The following NUP205 variants were observed in gnomAD, a reference collection of about 807,000 sequenced individuals.
NUP205 encodes nuclear pore complex protein Nup205.
NUP205 carries 76 observed loss-of-function variants against 253.8 expected under a neutral mutation model. The ratio of observed to expected loss-of-function variants is 0.30; its 90% CI spans 0.25 to 0.36. The LOEUF is 0.36. Ranked by LOEUF, NUP205 falls within the 10% of genes least tolerant of loss-of-function variation. NUP205 has a pLI of 1.00. For missense variants in NUP205, 2,162 were observed against 2,425.5 expected, an observed-to-expected ratio of 0.89 and a Z score of 2.28; for synonymous variants, 832 against 850.1, an observed-to-expected ratio of 0.98 and a Z score of 0.37.
At chr7:135,577,255 C>A in intron 5 of NUP205, 127 bp downstream of exon 5, 1 of 890,116 alleles carries the variant, frequency 1.1e-6, no homozygotes, top group Non-Finnish European at 1.7e-6. Context: ...TGCCACTTTT[C>A]TTTTTTTTTG....
Position 135,638,603 on chromosome 7 carries a change from G to A in NUP205, c.5312G>A (p.Ser1771Asn). The A allele has an allele frequency of 6.2e-7, 1 of 1,613,828 alleles. No individual in the cohort carries two copies. The highest frequency in any genetic ancestry group is 1.1e-5 in the South Asian group (1 of 91,070). ...TATTGCCAGTCACTCATGTTACAGAGTTCCCCTACCTTCCAGCATGCTGTG... is the reference window on the plus strand; with the variant it reads ...TATTGCCAGTCACTCATGTTACAGAATTCCCCTACCTTCCAGCATGCTGTG... ...MEYCQSLMLQ[S>N]SPTFQHAVCL... The change falls in exon 38 of 43, where the codon AGT becomes AAT. Residue 1771 changes from serine (S) to asparagine (N), a missense_variant. Transcript: ENST00000285968.
In NUP205 at chr7:135,616,657, G is replaced by T; in HGVS notation, c.3463G>T (p.Gly1155Cys). 6.5e-7 allele frequency: 1 copy of T among 1,540,440 alleles called. No homozygotes were observed. Among genetic ancestry groups the T allele is most frequent in the Non-Finnish European group, 8.7e-7 (1 of 1,145,102 alleles). Reference sequence around the variant, plus strand: ...CAATATTATTGATATTCCAACAGATGGTGAAGGAGGAATAGAAGATGAAAA... The same window carrying T: ...CAATATTATTGATATTCCAACAGATTGTGAAGGAGGAATAGAAGATGAAAA... ...DDMPVKPYSD[G>C]EGGIEDENRS... Residue 1155 changes from glycine to cysteine, a missense_variant and splice_region_variant, in exon 25 of 43, where the codon GGT (glycine) becomes TGT (cysteine). Gly to Cys is a radical substitution (Grantham distance 159). Transcript: ENST00000285968.
chr7:135,573,978 G>A (rs919477593), intron 3 of NUP205, among the ~76,000 whole-genome samples, 153 bp downstream of exon 3: 10 of 151,884 alleles, frequency 6.6e-5, no homozygotes, highest in African/African-American at 9.7e-5. Flanking sequence ...TTTAATCTTT[G>A]TTGTTTTTTT....
At chr7:135,645,748 C>A in intron 41 of NUP205, 152 bp downstream of exon 41, 1 of 704,312 alleles carries the variant, frequency 1.4e-6, no homozygotes, top group Admixed American at 2.9e-5. Context: ...CTATTTCTTG[C>A]ATTTTACTTT....
rs1806629044 is a variant in NUP205 at position 135,591,538 on chromosome 7, C to T, written c.1562C>T (p.Ala521Val). 6.2e-7 allele frequency: 1 copy of T among 1,613,792 alleles called. No homozygotes were observed. The highest frequency in any genetic ancestry group is 1.3e-5 in the African/African-American group (1 of 74,910). ...TATTTGAAGATGCTCCAGGGATTGG[C>T]CAATGGGCCTCAGTGTGCCCACTAC... The part of the protein sequence containing the change: ...IPYLKMLQGL[A>V]NGPQCAHYCF... The change falls in exon 11 of 43, where the codon GCC (alanine) becomes GTC (valine). Residue 521 changes from alanine (A) to valine (V), a missense_variant. Physicochemically the swap from Ala to Val is moderately conservative, Grantham distance 64 (BLOSUM62 0). This residue lies in a region of NUP205 where 892 missense variants were observed against 957.1 expected (regional missense o/e 0.93). Coordinates refer to ENST00000285968, the MANE Select transcript of NUP205 (RefSeq NM_015135.3).
In NUP205 at chr7:135,617,621, T is replaced by C. The variant is rs930915932; in HGVS notation, c.3710T>C (p.Val1237Ala). 1.7e-5 allele frequency: 27 copies of C among 1,612,656 alleles called. No homozygotes were observed. The highest frequency in any genetic ancestry group is 2.0e-5 in the Non-Finnish European group (24 of 1,178,878). The change falls in exon 27 of 43, where the codon GTA becomes GCA. Residue 1237 changes from valine to alanine, a missense_variant. This residue lies in a region of NUP205 where 1,144 missense variants were observed against 1,280.9 expected (regional missense o/e 0.89). Coordinates refer to ENST00000285968, the MANE Select transcript of NUP205 (RefSeq NM_015135.3). ...ATCCAGCTTCTTCATAGGGTTCTTGTAGCTGAAGTAAATGCCCTTCAGGGT... is the reference window on the plus strand; with the variant it reads ...ATCCAGCTTCTTCATAGGGTTCTTGCAGCTGAAGTAAATGCCCTTCAGGGT... ...CNVKLLHRVLVAEVNALQGMA... is the reference protein window; with the variant it reads ...CNVKLLHRVLAAEVNALQGMA...
chr7:135,635,333 TA>T, intron 35 of NUP205: 1 of 283,754 alleles, frequency 3.5e-6, no homozygotes. Flanking sequence ...TCTTGAAAAC[TA>T]AAAATGCCTT....
At chr7:135,577,411 C>G (rs962957728) in intron 5 of NUP205, among the ~76,000 whole-genome samples, 51 of 152,130 alleles carry the variant, frequency 3.4e-4, no homozygotes, top group African/African-American at 1.2e-3. Flanking sequence ...TGGGAACATT[C>G]AAAATTCACT....
At chr7:135,609,104 C>CAAAAAAAA (rs1163880987) in intron 22 of NUP205, among the ~76,000 whole-genome samples, 1 of 66,184 alleles carries the variant, frequency 1.5e-5, no homozygotes, top group Non-Finnish European at 3.0e-5. Flanking sequence ...AACTCCGTCT[C>CAAAAAAAA]AAAAAAAAAA....
Position 135,622,863 on chromosome 7 carries a change from T to G in NUP205, c.4417T>G (p.Tyr1473Asp), listed in dbSNP as rs900361531. ...QRENIAIIESYGAALMEVVCR... is the reference protein window; with the variant it reads ...QRENIAIIESDGAALMEVVCR... ...AGAAAACATAGCCATTATTGAAAGTTATGGCGCCGCCCTCATGGAAGTGGT... is the reference window on the plus strand; with the variant it reads ...AGAAAACATAGCCATTATTGAAAGTGATGGCGCCGCCCTCATGGAAGTGGT... The change falls in exon 31 of 43, where the codon TAT becomes GAT. Residue 1473 changes from tyrosine to aspartate, a missense_variant. By Grantham distance (160) the Tyr-to-Asp change is radical. Coordinates refer to ENST00000285968, the MANE Select transcript of NUP205 (RefSeq NM_015135.3). 1.6e-5 allele frequency: 26 copies of G among 1,614,054 alleles called. No individual in the cohort carries two copies. The highest frequency in any genetic ancestry group is 1.9e-5 in the Non-Finnish European group (23 of 1,180,024).
At chr7:135,604,979 CT>C (rs564590925) in intron 19 of NUP205, among the ~76,000 whole-genome samples, 8 of 148,418 alleles carry the variant, frequency 5.4e-5, no homozygotes, top group Non-Finnish European at 7.5e-5. Flanking sequence ...GCGGAATCTG[CT>C]TTTTTTTTTC....
intron 22 of NUP205, among the ~76,000 whole-genome samples, chr7:135,609,104 CAAAAAAAA>C (rs1163880987): frequency 1.5e-5 from 1 of 66,182 alleles, no homozygotes; most frequent in Non-Finnish European, 3.0e-5. Context: ...AACTCCGTCT[CAAAAAAAA>C]AAAAAAAAAA....
chr7:135,616,403 C>G (rs923994753), intron 24 of NUP205, among the ~76,000 whole-genome samples: 2 of 152,102 alleles, frequency 1.3e-5, no homozygotes, highest in Non-Finnish European at 1.5e-5. Flanking sequence ...ATGATTGGGT[C>G]TTGCCATTTT....
chr7:135,566,175 C>G (rs1215826418), intron 1 of NUP205, among the ~76,000 whole-genome samples: 1 of 151,454 alleles, frequency 6.6e-6, no homozygotes, highest in Admixed American at 6.6e-5. Flanking sequence ...GTGGTGTGAT[C>G]TCGGCTCACT....
At chr7:135,604,242 T>G in intron 18 of NUP205, 98 bp from the exon 19 acceptor site, 2 of 968,972 alleles carry the variant, frequency 2.1e-6, no homozygotes, top group South Asian at 1.7e-5. Context: ...AAGTGCTGTA[T>G]GGGCAGGGGA....
At chr7:135,645,380 C>A in intron 40 of NUP205, 88 bp from the exon 41 acceptor site, 1 of 1,329,216 alleles carries the variant, frequency 7.5e-7, no homozygotes, top group Non-Finnish European at 1.1e-6. Flanking sequence ...TAAGTGAGTG[C>A]AGTCTGTCCT....
At position 135,643,829 on chromosome 7, in the gene NUP205, A is replaced by C. The variant is rs530884666; in HGVS notation, c.5559+471A>C. 1.1e-4 allele frequency among the ~76,000 whole-genome samples: 16 copies of C among 152,342 alleles called. No homozygotes were observed. The South Asian group carries it at 2.9e-3, about 28-fold the overall frequency. On this transcript the variant is annotated intron_variant, in intron 39 of 42. Transcript: ENST00000285968. ...CAGTATTAATAACTAAAGATGCTGC[A>C]TTACCAGGATTGCTACTAAGTAGCT...
rs1425268099 is a variant in NUP205 at position 135,616,202 on chromosome 7, C to T, written c.3460+137C>T. ...TTTAGAATTTTTTTTTCTTAAAACA[C>T]AAAAATTTTAACTCATCTTATGATT... On this transcript the variant is annotated intron_variant, in intron 24 of 42. Coordinates refer to ENST00000285968, the MANE Select transcript of NUP205 (RefSeq NM_015135.3). 10 of 711,228 alleles carry T rather than the reference C, an allele frequency of 1.4e-5. 1 individual carries two copies. In the South Asian group the frequency reaches 1.7e-4, roughly 12 times the overall value. 44.1% of individuals were successfully genotyped at this position (711,228 alleles called of 1,614,324 possible). A position where few individuals can be genotyped will look rare whatever the true frequency, so the allele number is the denominator to read the frequency against.
At chr7:135,620,300 G>A (rs770417347) in intron 30 of NUP205, among the ~76,000 whole-genome samples, 43 of 152,120 alleles carry the variant, frequency 2.8e-4, no homozygotes, top group Non-Finnish European at 3.4e-4. Flanking sequence ...TTGGGAGGCC[G>A]AGGCCTGTGG....
Sources: gnomAD v4.1 joint callset for allele counts (sites outside exome capture counted in the v4.1 genomes callset) on GRCh38, gnomAD v4.1.1 for gene constraint, gnomAD v4.1.1 regional missense constraint, MANE v1.5 for transcripts, NCBI Gene and HGNC (gene_info 2026-07-23, HGNC 2026-07-21) for gene names.